TRIM49: variants seen among roughly 807,000 people sequenced by gnomAD.
TRIM49 encodes tripartite motif-containing protein 49.
A neutral mutation model predicts 27.4 loss-of-function variants in TRIM49; 5 were observed. That is an observed-to-expected ratio of 0.18 (90% CI 0.10 to 0.38). The LOEUF is 0.38. Among genes scored for constraint, TRIM49 ranks in the 10% least tolerant of loss-of-function variants. The probability of loss-of-function intolerance (pLI) is 1.00; values close to 1 mark genes in which losing one functional copy is unlikely to be tolerated. For missense variants in TRIM49, 188 were observed against 487.5 expected, an observed-to-expected ratio of 0.39 and a Z score of 5.79; for synonymous variants, 69 against 166.0, an observed-to-expected ratio of 0.42 and a Z score of 4.49.
At chr11:89,803,568 T>G (rs1210683705) in intron 4 of TRIM49, 130 bp downstream of exon 4, 12 of 1,526,998 alleles carry the variant, frequency 7.9e-6, no homozygotes, top group Non-Finnish European at 3.5e-6. Context: ...TTTTTCTCAG[T>G]GTTTTCTCTC....
At chr11:89,806,135 G>A (rs1440420181) in intron 2 of TRIM49, among the ~76,000 whole-genome samples, 1 of 149,356 alleles carries the variant, frequency 6.7e-6, no homozygotes. Flanking sequence ...CTACAAACCT[G>A]TACAGTATGT....
chr11:89,792,918 G>C (rs1433057812), downstream of TRIM49, among the ~76,000 whole-genome samples: 1 of 152,120 alleles, frequency 6.6e-6, no homozygotes, highest in African/African-American at 2.4e-5. Context: ...AGGAGATAGA[G>C]ACACAATGAA....
At chr11:89,786,752 C>T in the TRIM49 span, 7 of 138,656 alleles carry the variant, frequency 5.0e-5, 1 homozygote, top group Admixed American at 4.8e-4. Context: ...GTCAGACGGA[C>T]ACAGAGGCAT....
the TRIM49 span, chr11:89,777,304 T>C: frequency 1.9e-6 from 3 of 1,545,660 alleles, no homozygotes; most frequent in Non-Finnish European, 2.6e-6. Flanking sequence ...TGACAAGAGA[T>C]TGCTCTGTGG....
chr11:89,774,525 C>T, the TRIM49 span, among the ~76,000 whole-genome samples: 5 of 143,992 alleles, frequency 3.5e-5, no homozygotes, highest in Non-Finnish European at 6.0e-5. Context: ...GAGATTTCTC[C>T]CTCCTTCAGT....
intron 4 of TRIM49, 144 bp downstream of exon 4, chr11:89,803,554 C>G (rs1949757382): frequency 1.3e-6 from 2 of 1,488,500 alleles, no homozygotes; most frequent in South Asian, 1.3e-5. Flanking sequence ...AAAAATGAGG[C>G]CACTTTTTCT....
the TRIM49 span, chr11:89,777,003 T>C: frequency 2.1e-5 from 32 of 1,542,250 alleles, no homozygotes; most frequent in South Asian, 3.7e-4. Context: ...GCCCTGCGAG[T>C]CTTCCAGAAT....
chr11:89,794,248 A>T (rs1347773456), downstream of TRIM49, among the ~76,000 whole-genome samples: 1 of 125,482 alleles, frequency 8.0e-6, no homozygotes, highest in Non-Finnish European at 1.7e-5. Context: ...GGATACAAAC[A>T]AATGGAAGAA....
the TRIM49 span, among the ~76,000 whole-genome samples, chr11:89,768,481 T>C: frequency 1.5e-5 from 2 of 133,660 alleles, 1 homozygote; most frequent in Non-Finnish European, 3.0e-5. Flanking sequence ...GAAAGATAAA[T>C]GCCTCTCTCC....
At chr11:89,786,559 A>T in the TRIM49 span, 1 of 141,480 alleles carries the variant, frequency 7.1e-6, no homozygotes, top group East Asian at 2.2e-4. Flanking sequence ...TTCTTTGAAT[A>T]GGCCTGGGGT....
the TRIM49 span, among the ~76,000 whole-genome samples, chr11:89,767,443 G>A: frequency 8.1e-6 from 1 of 123,828 alleles, no homozygotes; most frequent in Non-Finnish European, 1.6e-5. Context: ...GATGAGGTGG[G>A]GAGCCATTCT....
At chr11:89,768,159 T>C in the TRIM49 span, 6 of 1,142,548 alleles carry the variant, frequency 5.3e-6, no homozygotes, top group Admixed American at 5.4e-5. Flanking sequence ...AGGCATTGCA[T>C]GTTGATCCCA....
At chr11:89,783,008 TTTTC>T in the TRIM49 span, among the ~76,000 whole-genome samples, 1 of 134,788 alleles carries the variant, frequency 7.4e-6, no homozygotes, top group Non-Finnish European at 1.6e-5. Context: ...AGTGTGCTTA[TTTTC>T]TTTCTAAGTC....
At chr11:89,767,928 A>G in the TRIM49 span, among the ~76,000 whole-genome samples, 1,099 of 136,962 alleles carry the variant, frequency 8.0e-3, 138 homozygotes, top group African/African-American at 0.035. Context: ...TTGTATCACG[A>G]TTGAACCATA....
the TRIM49 span, chr11:89,768,702 A>T: frequency 5.4e-5 from 24 of 446,928 alleles, 2 homozygotes; most frequent in Middle Eastern, 2.5e-3. Context: ...ACACACAATC[A>T]CATTGACACA....
the TRIM49 span, chr11:89,776,917 T>A: frequency 1.7e-4 from 254 of 1,507,066 alleles, 5 homozygotes; most frequent in African/African-American, 3.0e-3. Context: ...TTTTTCCTTT[T>A]CATCGGGGCA....
rs1949764556 is a variant in TRIM49 at position 89,804,161 on chromosome 11, G to A, written c.309C>T (p.Phe103=). ...CGTHRETKKI[F]CEVDRSLLCL... Reference sequence around the variant, plus strand: ...AGAGCAGGCTCCTGTCCACTTCACAGAATATCTTCTTTGTCTCCCTGTGAG... The same window carrying A: ...AGAGCAGGCTCCTGTCCACTTCACAAAATATCTTCTTTGTCTCCCTGTGAG... The change falls in exon 3 of 8, where the codon TTC becomes TTT. Residue 103 remains phenylalanine (F), a synonymous_variant. Coordinates refer to ENST00000329758, the MANE Select transcript of TRIM49 (RefSeq NM_020358.2). 6.2e-7 allele frequency: 1 copy of A among 1,606,592 alleles called. No individual in the cohort carries two copies. The highest frequency in any genetic ancestry group is 1.4e-5 in the African/African-American group (1 of 73,262).
chr11:89,792,663 GAAGGCAGAAATA>G (rs1319347988), downstream of TRIM49, among the ~76,000 whole-genome samples: 1 of 152,140 alleles, frequency 6.6e-6, no homozygotes, highest in African/African-American at 2.4e-5. Context: ...ATAACGAAAT[GAAGGCAGAAATA>G]AAGATGTTCT....
the TRIM49 span, chr11:89,768,397 A>G: frequency 5.5e-6 from 4 of 733,854 alleles, no homozygotes; most frequent in South Asian, 6.1e-5. Context: ...ATGTACCTCC[A>G]CAATCCTAGG....
Sources: gnomAD v4.1 joint callset for allele counts (sites outside exome capture counted in the v4.1 genomes callset) on GRCh38, gnomAD v4.1.1 for gene constraint, MANE v1.5 for transcripts, NCBI Gene and HGNC (gene_info 2026-07-23, HGNC 2026-07-21) for gene names.